The following POU2F1 variants were observed in gnomAD, a reference collection of about 807,000 sequenced individuals.
POU2F1 encodes the protein POU class 2 homeobox 1, also known as POU domain, class 2, transcription factor 1.
POU2F1 carries 16 observed loss-of-function variants against 84.9 expected under a neutral mutation model. That is an observed-to-expected ratio of 0.19 (90% CI 0.13 to 0.29). The LOEUF (loss-of-function observed/expected upper bound fraction) is 0.29, where lower values mean the gene tolerates loss of function less well. Among genes scored for constraint, POU2F1 ranks in the 10% least tolerant of loss-of-function variants. The pLI is 1.00. For missense variants in POU2F1, 738 were observed against 942.6 expected, an observed-to-expected ratio of 0.78 and a Z score of 2.84; for synonymous variants, 368 against 368.3, an observed-to-expected ratio of 1.00 and a Z score of 0.01.
chr1:167,413,188 T>C lies in POU2F1; in HGVS notation c.1990+74T>C, dbSNP rs943889868. The C allele has an allele frequency of 7.9e-5, 95 of 1,203,104 alleles. 1 individual carries two copies. In the African/African-American group the frequency reaches 8.8e-4, roughly 11 times the overall value. 74.5% of individuals were successfully genotyped at this position (1,203,104 alleles called of 1,614,324 possible). On this transcript the variant is annotated intron_variant, in intron 15 of 15. Transcript: ENST00000367866. ...GTGTGTGTGTGTGTGTGTGTGTGTG[T>C]GCTTGAGACAGAGATAGAGGAAGTC...
intron 1 of POU2F1, among the ~76,000 whole-genome samples, chr1:167,286,314 C>T (rs1264274779): frequency 1.3e-5 from 2 of 152,122 alleles, no homozygotes; most frequent in Non-Finnish European, 2.9e-5. Flanking sequence ...GTCAGTTTTG[C>T]CCCTAAAACA....
intron 1 of POU2F1, among the ~76,000 whole-genome samples, chr1:167,259,993 C>T (rs1230733290): frequency 6.6e-6 from 1 of 152,098 alleles, no homozygotes; most frequent in Admixed American, 6.5e-5. Flanking sequence ...ATTCTCCTGC[C>T]TCAGCCTCCC....
chr1:167,385,613 A>G (rs1453876599), intron 8 of POU2F1, among the ~76,000 whole-genome samples: 1 of 152,174 alleles, frequency 6.6e-6, no homozygotes, highest in Non-Finnish European at 1.5e-5. Flanking sequence ...AAAAAAAATA[A>G]AAAACCTTGA....
At chr1:167,401,806 A>C (rs555259537) in intron 13 of POU2F1, among the ~76,000 whole-genome samples, 1 of 152,210 alleles carries the variant, frequency 6.6e-6, no homozygotes, top group Non-Finnish European at 1.5e-5. Context: ...ATCTCCCACT[A>C]GTCTTTTGCC....
intron 6 of POU2F1, among the ~76,000 whole-genome samples, chr1:167,374,718 G>A (rs1660215208): frequency 6.6e-6 from 1 of 152,190 alleles, no homozygotes; most frequent in African/African-American, 2.4e-5. Flanking sequence ...GCATTAGAAT[G>A]TTGTTTGGTT....
At chr1:167,223,713 G>A (rs114652629) in intron 1 of POU2F1, among the ~76,000 whole-genome samples, 2,818 of 152,122 alleles carry the variant, frequency 0.019, 28 homozygotes, top group Middle Eastern at 0.024. Flanking sequence ...CAGTAGGCAG[G>A]CCCTGAATGC....
At chr1:167,349,164 C>T (rs1300854954) in intron 2 of POU2F1, among the ~76,000 whole-genome samples, 3 of 152,030 alleles carry the variant, frequency 2.0e-5, no homozygotes, top group Admixed American at 6.6e-5. Flanking sequence ...ATTTTCTTCC[C>T]TCACTCAACC....
intron 1 of POU2F1, among the ~76,000 whole-genome samples, chr1:167,328,817 A>G (rs1271716763): frequency 1.3e-5 from 2 of 152,172 alleles, no homozygotes; most frequent in Non-Finnish European, 2.9e-5. Flanking sequence ...TTATGCAGGG[A>G]GTGCTTTCAG....
At chr1:167,366,846 C>T (rs941852060) in intron 3 of POU2F1, among the ~76,000 whole-genome samples, 1 of 152,060 alleles carries the variant, frequency 6.6e-6, no homozygotes, top group African/African-American at 2.4e-5. Context: ...AGAGGAATAG[C>T]ATTTTTGACA....
chr1:167,314,959 A>C (rs1283726349), intron 1 of POU2F1, among the ~76,000 whole-genome samples: 2 of 151,846 alleles, frequency 1.3e-5, no homozygotes, highest in Non-Finnish European at 2.9e-5. Context: ...TTCTCATGGG[A>C]TCTGGTTATT....
intron 1 of POU2F1, among the ~76,000 whole-genome samples, chr1:167,283,930 T>C (rs550573089): frequency 6.6e-6 from 1 of 152,300 alleles, no homozygotes; most frequent in East Asian, 1.9e-4. Flanking sequence ...AGTAAACAAA[T>C]AATAAATACT....
chr1:167,238,057 C>T (rs954682490), intron 1 of POU2F1, among the ~76,000 whole-genome samples: 1 of 151,972 alleles, frequency 6.6e-6, no homozygotes, highest in African/African-American at 2.4e-5. Context: ...GCCGGGATTA[C>T]AGGTGTGAGC....
In POU2F1 at chr1:167,372,788, G is replaced by A. The variant is rs544398830; in HGVS notation, c.402+752G>A. Among the ~76,000 whole-genome samples, 12 of 152,216 alleles carry A rather than the reference G, an allele frequency of 7.9e-5. No individual in the cohort carries two copies. The South Asian group carries it at 2.5e-3, about 32-fold the overall frequency. On this transcript the variant is annotated intron_variant, in intron 5 of 15. Coordinates refer to ENST00000367866, the MANE Select transcript of POU2F1 (RefSeq NM_002697.4). ...AGTTTTCAGCTGTCTTTTCTCTAAG[G>A]CACCATTCAAAATATTTTTCCAATG...
chr1:167,267,851 A>G (rs1652086860), intron 1 of POU2F1, among the ~76,000 whole-genome samples: 1 of 152,010 alleles, frequency 6.6e-6, no homozygotes, highest in South Asian at 2.1e-4. Flanking sequence ...TGTGTTAGCC[A>G]GGATGGTCTT....
At chr1:167,258,733 A>T (rs1277670522) in intron 1 of POU2F1, among the ~76,000 whole-genome samples, 1 of 152,234 alleles carries the variant, frequency 6.6e-6, no homozygotes, top group Non-Finnish European at 1.5e-5. Context: ...ACAAATTACC[A>T]TGTACTTTAA....
intron 9 of POU2F1, among the ~76,000 whole-genome samples, chr1:167,390,860 G>A (rs966462082): frequency 5.3e-5 from 8 of 152,108 alleles, no homozygotes; most frequent in Non-Finnish European, 8.8e-5. Flanking sequence ...ATGGAGACAG[G>A]CATGCAAGCA....
chr1:167,242,856 A>G (rs1557840376), intron 1 of POU2F1, among the ~76,000 whole-genome samples: 1 of 152,186 alleles, frequency 6.6e-6, no homozygotes, highest in Non-Finnish European at 1.5e-5. Flanking sequence ...CTGTATATGT[A>G]TGGGCAAAAT....
chr1:167,271,763 T>G (rs1652382986), intron 1 of POU2F1, among the ~76,000 whole-genome samples: 1 of 152,228 alleles, frequency 6.6e-6, no homozygotes, highest in Admixed American at 6.5e-5. Flanking sequence ...TATAAATTTT[T>G]ATTTCCACAA....
intron 1 of POU2F1, 45 bp from the exon 2 acceptor site, chr1:167,332,425 A>C (rs2101729421): frequency 2.0e-6 from 3 of 1,491,942 alleles, no homozygotes; most frequent in Non-Finnish European, 2.8e-6. Flanking sequence ...TCCCATCTCC[A>C]TCCCCAGTTT....
Sources: gnomAD v4.1 joint callset for allele counts (sites outside exome capture counted in the v4.1 genomes callset) on GRCh38, gnomAD v4.1.1 for gene constraint, MANE v1.5 for transcripts, NCBI Gene and HGNC (gene_info 2026-07-23, HGNC 2026-07-21) for gene names.